The following MRTFA variants were observed in gnomAD, a reference collection of about 807,000 sequenced individuals.
MRTFA encodes myocardin related transcription factor A.
Under a neutral mutation model 83.5 loss-of-function variants are expected in MRTFA, and 20 were observed. The ratio of observed to expected loss-of-function variants is 0.24; its 90% CI spans 0.17 to 0.35. The LOEUF is 0.35. MRTFA is among the 10% of genes least tolerant of loss of function. The probability of loss-of-function intolerance (pLI) is 1.00; values close to 1 mark genes in which losing one functional copy is unlikely to be tolerated. For synonymous variants in MRTFA, 659 were observed against 541.2 expected (o/e 1.22, Z -3.02); for missense variants, 1,200 against 1,224.7 (o/e 0.98, Z 0.30).
chr22:40,462,916 T>C (rs897791004), intron 4 of MRTFA, among the ~76,000 whole-genome samples: 3 of 152,222 alleles, frequency 2.0e-5, no homozygotes, highest in Non-Finnish European at 2.9e-5. Context: ...AAGGGAAGTA[T>C]AACAGAGTGA....
intron 3 of MRTFA, among the ~76,000 whole-genome samples, chr22:40,541,245 AC>A (rs1467372497): frequency 6.6e-6 from 1 of 152,206 alleles, no homozygotes; most frequent in Non-Finnish European, 1.5e-5. Context: ...ATAAAATGTA[AC>A]TTACACATGT....
chr22:40,597,685 G>C (rs1350392177), intron 1 of MRTFA, among the ~76,000 whole-genome samples: 1 of 152,158 alleles, frequency 6.6e-6, no homozygotes, highest in Non-Finnish European at 1.5e-5. Flanking sequence ...AGCGCCAAAG[G>C]AGCAAACCCT....
chr22:40,541,232 A>G (rs2055285388), intron 3 of MRTFA, among the ~76,000 whole-genome samples: 1 of 152,234 alleles, frequency 6.6e-6, no homozygotes, highest in African/African-American at 2.4e-5. Context: ...ATCAATTTCC[A>G]TAATAAAATG....
chr22:40,504,986 A>G (rs1417105233), intron 3 of MRTFA, among the ~76,000 whole-genome samples: 1 of 152,076 alleles, frequency 6.6e-6, no homozygotes, highest in Non-Finnish European at 1.5e-5. Flanking sequence ...TCTATCCCCA[A>G]CCGAATGCTA....
At chr22:40,463,668 C>T (rs555127427) in intron 3 of MRTFA, among the ~76,000 whole-genome samples, 1 of 152,108 alleles carries the variant, frequency 6.6e-6, no homozygotes, top group South Asian at 2.1e-4. Context: ...AGATGCTCTA[C>T]GCTTAACAAA....
At chr22:40,470,778 G>T (rs1261007449) in intron 3 of MRTFA, among the ~76,000 whole-genome samples, 1 of 151,498 alleles carries the variant, frequency 6.6e-6, no homozygotes, top group Non-Finnish European at 1.5e-5. Flanking sequence ...GTGAAACCCT[G>T]TCTCTACTAA....
chr22:40,452,709 G>A (rs973074047), intron 4 of MRTFA, among the ~76,000 whole-genome samples: 25 of 150,924 alleles, frequency 1.7e-4, no homozygotes, highest in African/African-American at 5.6e-4. Context: ...TACCTAGGAG[G>A]CCGAGGCAAT....
At chr22:40,591,255 C>T (rs1602471001) in intron 2 of MRTFA, among the ~76,000 whole-genome samples, 1 of 137,822 alleles carries the variant, frequency 7.3e-6, no homozygotes, top group Non-Finnish European at 1.6e-5. Flanking sequence ...CCGGCCTGGG[C>T]AAAAGAGCGA....
chr22:40,614,206 AAAAT>A (rs906050487), intron 1 of MRTFA, among the ~76,000 whole-genome samples: 4 of 151,344 alleles, frequency 2.6e-5, no homozygotes, highest in Non-Finnish European at 5.9e-5. Flanking sequence ...CTGTCTCAAA[AAAAT>A]AAATAAATAA....
chr22:40,423,300 C>G (rs2147078687), intron 9 of MRTFA, among the ~76,000 whole-genome samples: 1 of 152,290 alleles, frequency 6.6e-6, no homozygotes, highest in South Asian at 2.1e-4. Context: ...TGGATGAGAG[C>G]AGGAGTGAGG....
intron 3 of MRTFA, among the ~76,000 whole-genome samples, chr22:40,496,765 T>A (rs1325025737): frequency 6.7e-6 from 1 of 148,412 alleles, no homozygotes; most frequent in East Asian, 2.0e-4. Flanking sequence ...CTTTTGTTTA[T>A]CTGTATCTTC....
chr22:40,494,316 A>C (rs1403756225), intron 3 of MRTFA, among the ~76,000 whole-genome samples: 9 of 152,200 alleles, frequency 5.9e-5, no homozygotes, highest in Admixed American at 5.2e-4. Context: ...AAAGAGCTAT[A>C]TGTGAATATT....
intron 1 of MRTFA, among the ~76,000 whole-genome samples, chr22:40,606,462 A>G (rs1291208896): frequency 6.6e-6 from 1 of 152,200 alleles, no homozygotes; most frequent in Admixed American, 6.5e-5. Context: ...GATTAAGTAT[A>G]TTTCCACTTT....
intron 3 of MRTFA, among the ~76,000 whole-genome samples, chr22:40,548,392 G>A (rs926447371): frequency 6.8e-6 from 1 of 147,600 alleles, no homozygotes; most frequent in African/African-American, 2.5e-5. Flanking sequence ...TGGGAACTGG[G>A]AAAACCAAAA....
At chr22:40,612,183 A>G (rs770207080) in intron 1 of MRTFA, among the ~76,000 whole-genome samples, 2 of 152,270 alleles carry the variant, frequency 1.3e-5, no homozygotes, top group Non-Finnish European at 2.9e-5. Context: ...ATGTAAATAC[A>G]TATGGTAGAT....
At chr22:40,438,248 G>T (rs2053208742) in intron 4 of MRTFA, among the ~76,000 whole-genome samples, 1 of 152,218 alleles carries the variant, frequency 6.6e-6, no homozygotes, top group African/African-American at 2.4e-5. Context: ...ACACCAGTGA[G>T]AGTGCCCTGA....
intron 2 of MRTFA, among the ~76,000 whole-genome samples, chr22:40,584,655 A>C (rs2056000637): frequency 6.7e-6 from 1 of 150,156 alleles, no homozygotes; most frequent in African/African-American, 2.5e-5. Flanking sequence ...AGAATCACCC[A>C]GGAGGCAGAG....
intron 3 of MRTFA, among the ~76,000 whole-genome samples, chr22:40,503,620 A>G (rs971582079): frequency 4.6e-5 from 7 of 152,206 alleles, no homozygotes; most frequent in Admixed American, 1.3e-4. Flanking sequence ...ACTGCAAAGA[A>G]GGCATCAGTG....
At chr22:40,422,921 G>A (rs888648840) in intron 9 of MRTFA, among the ~76,000 whole-genome samples, 2 of 152,220 alleles carry the variant, frequency 1.3e-5, no homozygotes, top group Non-Finnish European at 2.9e-5. Flanking sequence ...AGTCAGGGAG[G>A]CGTGGGCCAG....
Sources: gnomAD v4.1 joint callset for allele counts (sites outside exome capture counted in the v4.1 genomes callset) on GRCh38, gnomAD v4.1.1 for gene constraint, MANE v1.5 for transcripts, NCBI Gene and HGNC (gene_info 2026-07-23, HGNC 2026-07-21) for gene names.